Variants in PCDH15 observed in about 807,000 individuals in gnomAD.
The protein encoded by PCDH15 is protocadherin-15.
A neutral mutation model predicts 178.5 loss-of-function variants in PCDH15; 129 were observed. The ratio of observed to expected loss-of-function variants is 0.72; its 90% CI spans 0.63 to 0.84. The LOEUF (loss-of-function observed/expected upper bound fraction) is 0.84. PCDH15 is among the 40% of genes least tolerant of loss of function. PCDH15 has a pLI of 0.00. For missense variants in PCDH15, 2,230 were observed against 2,099.9 expected, an observed-to-expected ratio of 1.06 and a Z score of -1.21; for synonymous variants, 800 against 732.0, an observed-to-expected ratio of 1.09 and a Z score of -1.50.
chr10:55,592,570 T>G (rs1314760912), intron 2 of PCDH15, among the ~76,000 whole-genome samples: 3 of 152,192 alleles, frequency 2.0e-5, no homozygotes, highest in African/African-American at 4.8e-5. Context: ...TATTCTTGTG[T>G]GGCTTCCCTG....
At chr10:55,181,238 C>G in intron 1 of PCDH15, among the ~76,000 whole-genome samples, 1 of 151,844 alleles carries the variant, frequency 6.6e-6, no homozygotes, top group East Asian at 1.9e-4. Flanking sequence ...TGGGCTTTGG[C>G]CAGCATATTA....
intron 26 of PCDH15, among the ~76,000 whole-genome samples, chr10:53,895,783 T>A (rs925706518): frequency 6.6e-5 from 10 of 152,202 alleles, no homozygotes; most frequent in Non-Finnish European, 1.3e-4. Context: ...TTTACACAGT[T>A]CATCTCAAGT....
At chr10:54,790,114 C>T (rs61126628) in intron 1 of PCDH15, among the ~76,000 whole-genome samples, 371 of 151,892 alleles carry the variant, frequency 2.4e-3, no homozygotes, top group African/African-American at 8.6e-3. Flanking sequence ...TCTCCTTCCC[C>T]ATAACTAAGA....
intron 15 of PCDH15, among the ~76,000 whole-genome samples, chr10:54,091,959 A>G (rs1302415096): frequency 6.6e-6 from 1 of 152,186 alleles, no homozygotes; most frequent in Non-Finnish European, 1.5e-5. Context: ...TCAGATGTGT[A>G]TCCAATTGCC....
intron 2 of PCDH15, among the ~76,000 whole-genome samples, chr10:55,472,681 G>T (rs977379526): frequency 6.6e-6 from 1 of 152,240 alleles, no homozygotes; most frequent in African/African-American, 2.4e-5. Context: ...CCATTCTCCT[G>T]CCTCATCCTC....
chr10:53,851,843 T>G (rs2078399724), intron 28 of PCDH15, among the ~76,000 whole-genome samples: 1 of 151,178 alleles, frequency 6.6e-6, no homozygotes, highest in Admixed American at 6.6e-5. Flanking sequence ...AACTATAGAT[T>G]GATTACACAG....
At chr10:53,866,337 A>C (rs946132809) in intron 27 of PCDH15, among the ~76,000 whole-genome samples, 2 of 151,862 alleles carry the variant, frequency 1.3e-5, no homozygotes, top group African/African-American at 4.8e-5. Flanking sequence ...TTTGAAGACA[A>C]AATAGAAATC....
chr10:55,104,280 T>A (rs1842630786), intron 2 of PCDH15, among the ~76,000 whole-genome samples: 1 of 152,156 alleles, frequency 6.6e-6, no homozygotes, highest in African/African-American at 2.4e-5. Context: ...ATTTTCTTAA[T>A]GATGTCTGGG....
At chr10:54,809,850 C>CT (rs1486839866) in intron 3 of PCDH15, among the ~76,000 whole-genome samples, 1 of 152,144 alleles carries the variant, frequency 6.6e-6, no homozygotes, top group Non-Finnish European at 1.5e-5. Flanking sequence ...AATTTTCCCA[C>CT]TTTAATACTT....
At chr10:54,340,960 C>T (rs1460392627) in intron 6 of PCDH15, among the ~76,000 whole-genome samples, 1 of 152,108 alleles carries the variant, frequency 6.6e-6, no homozygotes, top group Non-Finnish European at 1.5e-5. Flanking sequence ...AACGTGCATG[C>T]TTCAGCCCTC....
At chr10:55,568,387 T>A (rs1474875717) in intron 2 of PCDH15, among the ~76,000 whole-genome samples, 1 of 151,952 alleles carries the variant, frequency 6.6e-6, no homozygotes, top group Non-Finnish European at 1.5e-5. Flanking sequence ...AGTGAAATAA[T>A]GGTTGCCAGG....
At chr10:55,226,552 T>C (rs1213259198) in intron 1 of PCDH15, among the ~76,000 whole-genome samples, 1 of 151,884 alleles carries the variant, frequency 6.6e-6, no homozygotes, top group Non-Finnish European at 1.5e-5. Flanking sequence ...CGGCTAATTT[T>C]TAGATTTTTA....
In PCDH15 at chr10:55,023,026, C is replaced by T. The variant is rs567421289; in HGVS notation, c.-79-125526G>A. ...GCTCCATCGCCGCTCACTGCAAGCT[C>T]CGCCTCCCAAATTCACGCCATTCTC... is the stretch of plus-strand genomic sequence containing the variant. On this transcript the variant is annotated intron_variant, in intron 2 of 5. Coordinates refer to the PCDH15 transcript ENST00000458638. 2.0e-5 allele frequency among the ~76,000 whole-genome samples: 3 copies of T among 152,220 alleles called. No individual in the cohort carries two copies. In the South Asian group the frequency reaches 6.2e-4, roughly 32 times the overall value.
intron 2 of PCDH15, among the ~76,000 whole-genome samples, chr10:55,615,971 G>T (rs902147571): frequency 6.6e-6 from 1 of 152,090 alleles, no homozygotes; most frequent in Admixed American, 6.6e-5. Context: ...TTGTAATACT[G>T]CAAAATCAAT....
At chr10:55,061,588 A>G (rs974145561) in intron 2 of PCDH15, among the ~76,000 whole-genome samples, 23 of 152,332 alleles carry the variant, frequency 1.5e-4, no homozygotes, top group African/African-American at 5.1e-4. Flanking sequence ...CATTCATAGA[A>G]AACCTGCACA....
At chr10:54,497,639 C>T (rs2080255272) in intron 3 of PCDH15, among the ~76,000 whole-genome samples, 1 of 151,998 alleles carries the variant, frequency 6.6e-6, no homozygotes, top group African/African-American at 2.4e-5. Flanking sequence ...ACAGCAATTT[C>T]AGAATATGAT....
chr10:54,715,076 T>A (rs560527264), intron 1 of PCDH15, among the ~76,000 whole-genome samples: 1 of 152,122 alleles, frequency 6.6e-6, no homozygotes, highest in African/African-American at 2.4e-5. Context: ...TTTTTTTTTC[T>A]CCAAGAGTAA....
chr10:54,123,173 A>G (rs1466698924), intron 15 of PCDH15, among the ~76,000 whole-genome samples: 4 of 152,288 alleles, frequency 2.6e-5, no homozygotes, highest in East Asian at 1.9e-4. Flanking sequence ...GATAAGTTGG[A>G]CCTAATTAAA....
chr10:55,119,932 G>T (rs191963403), intron 2 of PCDH15, among the ~76,000 whole-genome samples: 1 of 151,994 alleles, frequency 6.6e-6, no homozygotes, highest in Non-Finnish European at 1.5e-5. Flanking sequence ...TTTAAAATAT[G>T]CAAGAAAGCC....
Sources: gnomAD v4.1 joint callset for allele counts (sites outside exome capture counted in the v4.1 genomes callset) on GRCh38, gnomAD v4.1.1 for gene constraint, MANE v1.5 for transcripts, NCBI Gene and HGNC (gene_info 2026-07-23, HGNC 2026-07-21) for gene names.